CHLSN: variants seen among roughly 807,000 people sequenced by gnomAD.
CHLSN encodes the protein protein cholesin.
chr7:1,131,454 C>T, the CHLSN span, among the ~76,000 whole-genome samples: 6 of 152,210 alleles, frequency 3.9e-5, no homozygotes, highest in Non-Finnish European at 4.4e-5. Context: ...GGGTTCCCCC[C>T]ATCCCACTCG....
At chr7:997,606 C>A in the CHLSN span, 4 of 1,535,346 alleles carry the variant, frequency 2.6e-6, no homozygotes, top group Non-Finnish European at 3.5e-6. Flanking sequence ...GGCAGCGGCC[C>A]CGCCCCGCGC....
chr7:1,133,426 T>C, the CHLSN span, among the ~76,000 whole-genome samples: 1 of 143,774 alleles, frequency 7.0e-6, no homozygotes, highest in Admixed American at 6.9e-5. Flanking sequence ...ATAATCCCTC[T>C]CAAATTATTT....
At chr7:992,753 G>C in the CHLSN span, among the ~76,000 whole-genome samples, 640 of 152,350 alleles carry the variant, frequency 4.2e-3, 5 homozygotes, top group Middle Eastern at 0.014. Context: ...ATGCTGAGGG[G>C]GAAGGAGGTA....
chr7:1,097,050 G>A, the CHLSN span, among the ~76,000 whole-genome samples: 8 of 152,230 alleles, frequency 5.3e-5, no homozygotes, highest in Non-Finnish European at 7.3e-5. The surrounding 1 kb of genome is among the most constrained non-coding windows in gnomAD (Gnocchi z 4.3). Flanking sequence ...CAGGGCAGGC[G>A]AGGGGAGCCC....
the CHLSN span, among the ~76,000 whole-genome samples, chr7:1,041,663 G>A: frequency 2.0e-5 from 3 of 152,194 alleles, no homozygotes; most frequent in African/African-American, 7.2e-5. Context: ...ATACTCACAA[G>A]AACTAGGAAG....
At chr7:1,131,853 T>C in the CHLSN span, among the ~76,000 whole-genome samples, 1 of 152,228 alleles carries the variant, frequency 6.6e-6, no homozygotes, top group African/African-American at 2.4e-5. Context: ...CTTTTAATAG[T>C]TCTAAGGGAA....
chr7:1,040,490 G>A, the CHLSN span, among the ~76,000 whole-genome samples: 4 of 152,070 alleles, frequency 2.6e-5, no homozygotes, highest in Non-Finnish European at 4.4e-5. Flanking sequence ...GTGAGACCCT[G>A]TCTCAAAAAC....
At chr7:1,037,327 G>A in the CHLSN span, among the ~76,000 whole-genome samples, 3 of 136,322 alleles carry the variant, frequency 2.2e-5, no homozygotes, top group African/African-American at 8.0e-5. Flanking sequence ...CTGTACTGCT[G>A]CCATCTCGGC....
chr7:1,019,442 G>A, the CHLSN span, among the ~76,000 whole-genome samples: 1 of 152,244 alleles, frequency 6.6e-6, no homozygotes, highest in African/African-American at 2.4e-5. Flanking sequence ...TGGGCCAGAA[G>A]GAGAGGCTTC....
chr7:981,224 C>T, the CHLSN span, among the ~76,000 whole-genome samples: 2 of 144,048 alleles, frequency 1.4e-5, no homozygotes, highest in East Asian at 2.2e-4. Context: ...TGAACACGGG[C>T]GATGGAGGTT....
chr7:1,054,272 C>T, the CHLSN span, among the ~76,000 whole-genome samples: 4 of 152,236 alleles, frequency 2.6e-5, no homozygotes, highest in Non-Finnish European at 2.9e-5. Context: ...AGGTACGGCT[C>T]GGCTTGTAAC....
the CHLSN span, chr7:989,173 A>T: frequency 3.4e-6 from 1 of 297,678 alleles, no homozygotes; most frequent in Non-Finnish European, 6.3e-6. Flanking sequence ...CAGGGAGACA[A>T]CGGGTGGCTG....
chr7:1,103,073 G>A, the CHLSN span, among the ~76,000 whole-genome samples: 4 of 152,206 alleles, frequency 2.6e-5, no homozygotes, highest in African/African-American at 4.8e-5. Context: ...CGTGCGGGCC[G>A]GGGTCTGGAT....
chr7:993,113 C>T, the CHLSN span, among the ~76,000 whole-genome samples: 2 of 152,206 alleles, frequency 1.3e-5, no homozygotes, highest in African/African-American at 2.4e-5. Flanking sequence ...TGAGGCTGCA[C>T]TCAGCTTTAT....
chr7:1,031,196 T>G, the CHLSN span, among the ~76,000 whole-genome samples: 1 of 152,190 alleles, frequency 6.6e-6, no homozygotes, highest in East Asian at 1.9e-4. Flanking sequence ...ACGCTACATA[T>G]CTGGACAGAA....
the CHLSN span, among the ~76,000 whole-genome samples, chr7:1,061,359 G>A: frequency 6.6e-6 from 1 of 151,966 alleles, no homozygotes; most frequent in South Asian, 2.1e-4. Flanking sequence ...GCAGACCCTC[G>A]CCTGCTACCT....
At chr7:1,108,425 C>T in the CHLSN span, among the ~76,000 whole-genome samples, 1 of 152,180 alleles carries the variant, frequency 6.6e-6, no homozygotes, top group African/African-American at 2.4e-5. Flanking sequence ...GGGCTGCTCT[C>T]CTTGGCGGGC....
the CHLSN span, among the ~76,000 whole-genome samples, chr7:1,134,721 T>C: frequency 4.6e-5 from 7 of 150,690 alleles, no homozygotes; most frequent in African/African-American, 1.7e-4. Context: ...TACAAAAAAT[T>C]AGCTGGGCAT....
At chr7:1,048,935 A>C in the CHLSN span, among the ~76,000 whole-genome samples, 8 of 152,244 alleles carry the variant, frequency 5.3e-5, no homozygotes, top group African/African-American at 1.9e-4. Flanking sequence ...GTACTAGTGA[A>C]ACATCGGGAA....
Sources: allele counts gnomAD v4.1 joint callset (sites outside exome capture counted in the v4.1 genomes callset), GRCh38; gene constraint gnomAD v4.1.1; non-coding constraint Gnocchi (gnomAD v3.1); transcripts MANE v1.5; gene names NCBI Gene and HGNC (gene_info 2026-07-23, HGNC 2026-07-21).